Variants in ZC3H11A observed in about 807,000 individuals in gnomAD.
ZC3H11A encodes the protein zinc finger CCCH-type containing 11A.
In ZC3H11A, 22 loss-of-function variants were observed where a neutral mutation model predicts 90.8. The ratio of observed to expected loss-of-function variants is 0.24; its 90% CI spans 0.17 to 0.35. The LOEUF (loss-of-function observed/expected upper bound fraction) is 0.35. Among genes scored for constraint, ZC3H11A ranks in the 10% least tolerant of loss-of-function variants. The probability of loss-of-function intolerance (pLI) is 1.00; values close to 1 mark genes in which losing one functional copy is unlikely to be tolerated. For missense variants in ZC3H11A, 701 were observed against 964.9 expected, an observed-to-expected ratio of 0.73 and a Z score of 3.62; for synonymous variants, 294 against 339.8, an observed-to-expected ratio of 0.87 and a Z score of 1.48.
At chr1:203,850,961 C>T in intron 16 of ZC3H11A, 96 bp from the exon 17 acceptor site, 1 of 1,413,082 alleles carries the variant, frequency 7.1e-7, no homozygotes, top group Non-Finnish European at 9.9e-7. Context: ...CTTAAAGAAT[C>T]ATAGCCACAA....
In ZC3H11A at chr1:203,830,925, ATTTTTTTTTTTTTTTTTTTTTTT is replaced by A. The variant is rs774771270; in HGVS notation, c.701-720_701-698del. Among the ~76,000 whole-genome samples the A allele has an allele frequency of 2.5e-3, 130 of 51,396 alleles. 3 individuals are homozygous for A. In the East Asian group the frequency reaches 0.07, roughly 27 times the overall value. The allele number at this position is 51,396 out of a possible 152,430, so 33.7% of individuals were successfully genotyped here. A position where few individuals can be genotyped will look rare whatever the true frequency, so the allele number is the denominator to read the frequency against. ...GATTGCTCTGTATTTCCAACCCCCAATTTTTTTTTTTTTTTTTTTTTTTTTTTTTTTTTTTTTTGAGACAGAGT... is the reference window on the plus strand; with the variant it reads ...GATTGCTCTGTATTTCCAACCCCCAATTTTTTTTTTTTTTTGAGACAGAGT... On this transcript the variant is annotated intron_variant, in intron 8 of 17. Transcript: ENST00000367210.
rs1689490758 is a variant in ZC3H11A, at chr1:203,852,246, C to T, written c.2280C>T (p.Ala760=). 6.2e-7 allele frequency: 1 copy of T among 1,613,556 alleles called. No individual in the cohort carries two copies. Among genetic ancestry groups the T allele is most frequent in the Admixed American group, 1.7e-5 (1 of 59,954 alleles). The part of the protein sequence containing the change: ...MSMKTRRLSS[A]STGKPPLSVE... ...TGAAAACTCGCCGACTCAGCTCTGC[C>T]TCAACAGGAAAGCCCCCACTCTCTG... The change falls in exon 18 of 18, where the codon GCC becomes GCT. Residue 760 remains alanine (A), a synonymous_variant. Coordinates refer to ENST00000367210, the MANE Select transcript of ZC3H11A (RefSeq NM_001376342.1).
intron 2 of ZC3H11A, chr1:203,806,074 A>C (rs565607866): frequency 2.0e-6 from 1 of 509,630 alleles, no homozygotes; most frequent in Non-Finnish European, 3.9e-6. Context: ...TAAAACTCGC[A>C]AGGCTTTCTG....
chr1:203,810,933 C>G lies in ZC3H11A; in HGVS notation c.-145-5993C>G, dbSNP rs188371542. Among the ~76,000 whole-genome samples, 284 of 151,134 alleles carry G rather than the reference C, an allele frequency of 1.9e-3. 2 individuals are homozygous for G. The highest frequency in any genetic ancestry group is 6.5e-3 in the African/African-American group (269 of 41,124). The stretch of plus-strand genomic sequence containing the variant: ...ATGACCTGAGGTCAGGAGTTTCACA[C>G]CAGCCTGGCCACTATGGTGAAACTC... On this transcript the variant is annotated intron_variant, in intron 2 of 17. Transcript: ENST00000367210.
At chr1:203,803,059 A>G (rs1671008427) in intron 2 of ZC3H11A, 43 bp downstream of exon 2, 1 of 152,580 alleles carries the variant, frequency 6.6e-6, no homozygotes, top group African/African-American at 2.4e-5. Context: ...AGGAGTGAAC[A>G]TTCTTGTCAT....
chr1:203,797,943 G>A (rs1334506555), intron 1 of ZC3H11A: 1 of 1,536,008 alleles, frequency 6.5e-7, no homozygotes, highest in South Asian at 1.2e-5. Context: ...CTTCTTTCAT[G>A]TTGACCCCCA....
intron 2 of ZC3H11A, among the ~76,000 whole-genome samples, chr1:203,808,324 T>C (rs1269566397): frequency 1.3e-5 from 2 of 152,222 alleles, no homozygotes; most frequent in African/African-American, 4.8e-5. Context: ...AGTCTGATTT[T>C]CTTTCCTTTG....
intron 12 of ZC3H11A, among the ~76,000 whole-genome samples, chr1:203,842,346 C>A (rs190705015): frequency 1.3e-5 from 2 of 152,300 alleles, no homozygotes; most frequent in African/African-American, 4.8e-5. Flanking sequence ...TCTGCAATCC[C>A]GGCACCTCGG....
Position 203,801,877 on chromosome 1 carries a change from T to TC in ZC3H11A, c.-1283dup, listed in dbSNP as rs1173892285. 1 of 148,940 alleles carries TC rather than the reference T, an allele frequency of 6.7e-6. No homozygotes were observed. Among genetic ancestry groups the TC allele is most frequent in the African/African-American group, 2.4e-5 (1 of 41,016 alleles). The allele number at this position is 148,940 out of a possible 1,614,324, so 9.2% of individuals were successfully genotyped here. ...TGCCATTGTGAAATGAAATCTCAAC[T>TC]CCAAAAGTTTACCCTTTTACTAACT... On this transcript the variant is annotated 5_prime_UTR_variant, in exon 2 of 18. The change abolishes the stop of an existing upstream ORF in the 5' untranslated region. Transcript: ENST00000367210.
intron 2 of ZC3H11A, among the ~76,000 whole-genome samples, chr1:203,810,045 A>G (rs1673823397): frequency 6.6e-6 from 1 of 151,818 alleles, no homozygotes; most frequent in African/African-American, 2.4e-5. Context: ...AAATTTATGG[A>G]TGTGCATCTT....
At chr1:203,808,752 G>A (rs1050083255) in intron 2 of ZC3H11A, among the ~76,000 whole-genome samples, 1 of 152,012 alleles carries the variant, frequency 6.6e-6, no homozygotes, top group African/African-American at 2.4e-5. Flanking sequence ...TTGAAGGTAG[G>A]GGCTGGAAAT....
rs754472202 is a variant in ZC3H11A, at chr1:203,800,071, A to G, written c.-1587-1504A>G. On this transcript the variant is annotated intron_variant, in intron 1 of 17. Transcript: ENST00000367210. Reference sequence around the variant, plus strand: ...TCTGTTGATAGCTCAGCTGTAGACAATGTTGCCCTTGGAAGCAAAAGCTTC... The same window carrying G: ...TCTGTTGATAGCTCAGCTGTAGACAGTGTTGCCCTTGGAAGCAAAAGCTTC... 8.5e-6 allele frequency: 13 copies of G among 1,535,980 alleles called. No individual in the cohort carries two copies. Among genetic ancestry groups the G allele is most frequent in the South Asian group, 5.9e-5 (5 of 84,058 alleles).
intron 4 of ZC3H11A, among the ~76,000 whole-genome samples, chr1:203,820,259 A>T (rs1221531659): frequency 6.6e-6 from 1 of 151,724 alleles, no homozygotes; most frequent in Non-Finnish European, 1.5e-5. Flanking sequence ...AAAAGCCCAA[A>T]TTCAAGTGTT....
intron 1 of ZC3H11A, chr1:203,798,869 GACTT>G: frequency 2.0e-6 from 3 of 1,536,092 alleles, no homozygotes; most frequent in Non-Finnish European, 2.6e-6. Context: ...TGCCATCAGA[GACTT>G]ACTTTTTCAC....
intron 2 of ZC3H11A, among the ~76,000 whole-genome samples, chr1:203,813,370 C>T (rs12025273): frequency 0.06 from 9,071 of 151,978 alleles, 808 homozygotes; most frequent in East Asian, 0.4. Flanking sequence ...CCATGCCTGG[C>T]TAAATTTTAA....
At chr1:203,847,112 G>T in intron 12 of ZC3H11A, 72 bp from the exon 13 acceptor site, 1 of 1,531,348 alleles carries the variant, frequency 6.5e-7, no homozygotes, top group South Asian at 1.2e-5. Context: ...CTTGATCCAA[G>T]AATAGAGAGA....
intron 2 of ZC3H11A, among the ~76,000 whole-genome samples, chr1:203,806,657 A>T (rs1187557492): frequency 6.6e-6 from 1 of 152,120 alleles, no homozygotes; most frequent in African/African-American, 2.4e-5. Context: ...GTGTTGAAAG[A>T]TGGTGAAGAC....
rs1689637716 is a variant in ZC3H11A at position 203,853,308 on chromosome 1, T to C, written c.*909T>C. On this transcript the variant is annotated 3_prime_UTR_variant, in exon 18 of 18. Coordinates refer to ENST00000367210, the MANE Select transcript of ZC3H11A (RefSeq NM_001376342.1). ...ATTTGTTTGGTGGCCTTTAACCACC[T>C]GAGGGAAAAAATGAGCTTATTCAAG... The C allele has an allele frequency of 6.6e-6, 1 of 152,634 alleles. No homozygotes were observed. The highest frequency in any genetic ancestry group is 2.4e-5 in the African/African-American group (1 of 41,446). 9.5% of individuals were successfully genotyped at this position (152,634 alleles called of 1,614,324 possible). A position where few individuals can be genotyped will look rare whatever the true frequency, so the allele number is the denominator to read the frequency against.
chr1:203,849,244 G>A (rs1368528739), intron 14 of ZC3H11A, among the ~76,000 whole-genome samples: 1 of 152,144 alleles, frequency 6.6e-6, no homozygotes, highest in Non-Finnish European at 1.5e-5. Flanking sequence ...TTAAACCCAT[G>A]TTTAGAACAT....
Sources: gnomAD v4.1 joint callset for allele counts (sites outside exome capture counted in the v4.1 genomes callset) on GRCh38, gnomAD v4.1.1 for gene constraint, MANE v1.5 for transcripts, NCBI Gene and HGNC (gene_info 2026-07-23, HGNC 2026-07-21) for gene names.